Variants in YWHAH observed in about 807,000 individuals in gnomAD.
YWHAH encodes the protein tyrosine 3-monooxygenase/tryptophan 5-monooxygenase activation protein eta.
YWHAH carries 6 observed loss-of-function variants against 22.9 expected under a neutral mutation model. The observed-to-expected ratio is 0.26, with a 90% CI of 0.14 to 0.52. The LOEUF is 0.52. YWHAH is among the 20% of genes least tolerant of loss of function. The pLI is 0.97. For synonymous variants in YWHAH, 135 were observed against 124.5 expected, an observed-to-expected ratio of 1.08 and a Z score of -0.56; for missense variants, 173 against 308.6, an observed-to-expected ratio of 0.56 and a Z score of 3.29.
At chr22:31,951,909 G>C (rs2093843777) in intron 1 of YWHAH, among the ~76,000 whole-genome samples, 1 of 152,114 alleles carries the variant, frequency 6.6e-6, no homozygotes. Context: ...CTTCAGGAAG[G>C]GTGTAAGTAG....
chr22:31,952,824 T>G (rs2093845052), intron 1 of YWHAH, among the ~76,000 whole-genome samples: 1 of 152,206 alleles, frequency 6.6e-6, no homozygotes, highest in Non-Finnish European at 1.5e-5. Flanking sequence ...TTCACGTTAG[T>G]AGGAAGCCCT....
intron 1 of YWHAH, among the ~76,000 whole-genome samples, chr22:31,948,435 C>G (rs2093838135): frequency 6.6e-6 from 1 of 151,178 alleles, no homozygotes; most frequent in African/African-American, 2.4e-5. Context: ...GGAACCCAGG[C>G]TGGAGTGCAG....
In YWHAH at chr22:31,956,923, T is replaced by C; in HGVS notation, c.*131T>C. ...GCAGCACAGCTACTCAGATCTGCAC[T>C]CCTGTCTCTTGGGAAGCAGTTTCAG... On this transcript the variant is annotated 3_prime_UTR_variant, in exon 2 of 2. Coordinates refer to ENST00000248975, the MANE Select transcript of YWHAH (RefSeq NM_003405.4). This position sits in a 1 kb window ranked among gnomAD's most constrained non-coding sequence, Gnocchi z 5.1. The C allele has an allele frequency of 1.7e-6, 2 of 1,181,572 alleles. No individual in the cohort carries two copies. The highest frequency in any genetic ancestry group is 2.3e-6 in the Non-Finnish European group (2 of 865,684). The allele number at this position is 1,181,572 out of a possible 1,614,324, so 73.2% of individuals were successfully genotyped here. A position where few individuals can be genotyped will look rare whatever the true frequency, so the allele number is the denominator to read the frequency against.
In YWHAH at chr22:31,950,076, C is replaced by CTT. The variant is rs557406783; in HGVS notation, c.87+5293_87+5294dup. 2.6e-4 allele frequency among the ~76,000 whole-genome samples: 11 copies of CTT among 42,192 alleles called. 3 individuals are homozygous for CTT. Among genetic ancestry groups the CTT allele is most frequent in the Non-Finnish European group, 4.9e-4 (10 of 20,410 alleles). 27.7% of individuals were successfully genotyped at this position (42,192 alleles called of 152,430 possible). A position where few individuals can be genotyped will look rare whatever the true frequency, so the allele number is the denominator to read the frequency against. ...TTGCTTGTTCTGAAGGCTTGGAGGC[C>CTT]TTTTTTTTTTTTTTTTTTTTTTTTT... On this transcript the variant is annotated intron_variant, in intron 1 of 1. Coordinates refer to ENST00000248975, the MANE Select transcript of YWHAH (RefSeq NM_003405.4).
At chr22:31,950,333 T>TC (rs1171450704) in intron 1 of YWHAH, 4 of 779,364 alleles carry the variant, frequency 5.1e-6, no homozygotes, top group Non-Finnish European at 9.6e-6. Context: ...CCTCCTAGTG[T>TC]CCAAGTGGAG....
chr22:31,947,676 T>C (rs1332041890), intron 1 of YWHAH, among the ~76,000 whole-genome samples: 3 of 152,172 alleles, frequency 2.0e-5, no homozygotes, highest in Non-Finnish European at 2.9e-5. Flanking sequence ...TGGGAAGAAA[T>C]ATTGTGAAAG....
chr22:31,947,447 G>A (rs1309824735), intron 1 of YWHAH: 1 of 471,552 alleles, frequency 2.1e-6, no homozygotes, highest in Non-Finnish European at 4.4e-6. Flanking sequence ...AATGATTGAT[G>A]TTCCTCATTC....
chr22:31,955,802 A>G (rs2093848921), intron 1 of YWHAH, among the ~76,000 whole-genome samples: 1 of 152,174 alleles, frequency 6.6e-6, no homozygotes, highest in African/African-American at 2.4e-5. Context: ...ACCATTATGT[A>G]CTGCTGCTGT....
At chr22:31,948,807 G>A (rs1212363435) in intron 1 of YWHAH, among the ~76,000 whole-genome samples, 1 of 152,208 alleles carries the variant, frequency 6.6e-6, no homozygotes, top group Non-Finnish European at 1.5e-5. Context: ...GATTATTCTT[G>A]TAATAGTTTG....
At chr22:31,952,999 G>A (rs1443744017) in intron 1 of YWHAH, among the ~76,000 whole-genome samples, 1 of 152,208 alleles carries the variant, frequency 6.6e-6, no homozygotes, top group Admixed American at 6.5e-5. Flanking sequence ...AACTTCAGAT[G>A]TCTTGGGTTT....
At chr22:31,945,340 C>T (rs1311866569) in intron 1 of YWHAH, 1 of 1,240,950 alleles carries the variant, frequency 8.1e-7, no homozygotes, top group Non-Finnish European at 1.0e-6. Flanking sequence ...TCCATCTTCC[C>T]ACGCCTGGGG....
intron 1 of YWHAH, among the ~76,000 whole-genome samples, chr22:31,952,765 G>T (rs2093844983): frequency 6.6e-6 from 1 of 152,080 alleles, no homozygotes; most frequent in South Asian, 2.1e-4. Context: ...GCCTTTTTTG[G>T]CAGCTTATTC....
At chr22:31,955,829 T>G (rs987437834) in intron 1 of YWHAH, among the ~76,000 whole-genome samples, 5 of 152,220 alleles carry the variant, frequency 3.3e-5, no homozygotes, top group Non-Finnish European at 5.9e-5. Flanking sequence ...TTTTCATAAT[T>G]ATCCTTAGTC....
At chr22:31,949,452 T>C (rs1166967709) in intron 1 of YWHAH, among the ~76,000 whole-genome samples, 1 of 152,082 alleles carries the variant, frequency 6.6e-6, no homozygotes, top group East Asian at 1.9e-4. Flanking sequence ...TTAGAACTTA[T>C]TTAACTTTTT....
Position 31,944,699 on chromosome 22 carries a change from T to C in YWHAH, c.-35T>C. On this transcript the variant is annotated 5_prime_UTR_variant, in exon 1 of 2. Transcript: ENST00000248975. ...GGCGGGAGGGCTAGCGAGCCAGCGG[T>C]GTGAGGCGCGAGGCGAGGCCGAGCC... 3.0e-6 allele frequency: 4 copies of C among 1,339,664 alleles called. No homozygotes were observed. The highest frequency in any genetic ancestry group is 3.9e-6 in the Non-Finnish European group (4 of 1,034,888). 83.0% of individuals were successfully genotyped at this position (1,339,664 alleles called of 1,614,324 possible).
intron 1 of YWHAH, among the ~76,000 whole-genome samples, chr22:31,951,149 C>T (rs1023859107): frequency 1.3e-5 from 2 of 152,156 alleles, no homozygotes; most frequent in African/African-American, 4.8e-5. Context: ...CTGCCTTGGC[C>T]TCCCAAAGTG....
At chr22:31,945,683 A>G (rs2301415) in intron 1 of YWHAH, 384,763 of 1,149,134 alleles carry the variant, frequency 0.33, 61,937 homozygotes, top group Non-Finnish European at 0.36. Flanking sequence ...TTTTCTGTAA[A>G]TGAATATTTC....
intron 1 of YWHAH, among the ~76,000 whole-genome samples, chr22:31,948,640 G>T (rs897842767): frequency 2.0e-5 from 3 of 152,170 alleles, no homozygotes; most frequent in Non-Finnish European, 4.4e-5. Context: ...CTATTAAAGT[G>T]CTGGGATTAC....
In YWHAH at chr22:31,950,199, T is replaced by C. The variant is rs1432488494; in HGVS notation, c.87+5379T>C. Reference sequence around the variant, plus strand: ...ATTTTATTTGGGGTATTTTAAGAAATTATTTCATATTCTTGGCACCAGTTG... The same window carrying C: ...ATTTTATTTGGGGTATTTTAAGAAACTATTTCATATTCTTGGCACCAGTTG... On this transcript the variant is annotated intron_variant, in intron 1 of 1. Transcript: ENST00000248975. 5.3e-5 allele frequency: 28 copies of C among 526,636 alleles called. No individual in the cohort carries two copies. The East Asian group carries it at 8.8e-4, about 17-fold the overall frequency. The allele number at this position is 526,636 out of a possible 1,614,324, so 32.6% of individuals were successfully genotyped here.
Sources: gnomAD v4.1 joint callset for allele counts (sites outside exome capture counted in the v4.1 genomes callset) on GRCh38, gnomAD v4.1.1 for gene constraint, Gnocchi (gnomAD v3.1) non-coding constraint, MANE v1.5 for transcripts, NCBI Gene and HGNC (gene_info 2026-07-23, HGNC 2026-07-21) for gene names.